The following ITGA8 variants were observed in gnomAD, a reference collection of about 807,000 sequenced individuals.
ITGA8 encodes integrin subunit alpha 8, also known as integrin alpha-8.
In ITGA8, 91 loss-of-function variants were observed where a neutral mutation model predicts 142.3. The observed-to-expected ratio is 0.64, with a 90% CI of 0.54 to 0.76. The LOEUF (loss-of-function observed/expected upper bound fraction) is 0.76. Ranked by LOEUF, ITGA8 falls within the 30% of genes least tolerant of loss-of-function variation. ITGA8 has a pLI of 0.00. For synonymous variants in ITGA8, 505 were observed against 485.2 expected, an observed-to-expected ratio of 1.04 and a Z score of -0.54; for missense variants, 1,406 against 1,327.7, an observed-to-expected ratio of 1.06 and a Z score of -0.92.
intron 25 of ITGA8, 43 bp from the exon 26 acceptor site, chr10:15,558,245 A>C: frequency 6.2e-7 from 1 of 1,606,954 alleles, no homozygotes; most frequent in Non-Finnish European, 8.5e-7. Context: ...AAACACATGA[A>C]CAGTTGCTAC....
chr10:15,697,114 G>A (rs1275427252), intron 2 of ITGA8, among the ~76,000 whole-genome samples: 2 of 150,998 alleles, frequency 1.3e-5, no homozygotes, highest in African/African-American at 2.4e-5. Flanking sequence ...AAAAACTGGA[G>A]CAACTTAAAT....
At chr10:15,600,738 C>T (rs1833090016) in intron 20 of ITGA8, among the ~76,000 whole-genome samples, 1 of 152,156 alleles carries the variant, frequency 6.6e-6, no homozygotes, top group South Asian at 2.1e-4. Context: ...GCAAGACAAA[C>T]TAGGAAGACT....
intron 6 of ITGA8, among the ~76,000 whole-genome samples, chr10:15,676,553 T>C (rs555703157): frequency 2.0e-5 from 3 of 152,134 alleles, no homozygotes; most frequent in Admixed American, 6.5e-5. Context: ...TTAATGCCTG[T>C]TATCATTCTC....
At chr10:15,680,511 T>A (rs1259909627) in intron 4 of ITGA8, among the ~76,000 whole-genome samples, 1 of 152,122 alleles carries the variant, frequency 6.6e-6, no homozygotes, top group African/African-American at 2.4e-5. Context: ...AGTATCAATT[T>A]TCTAGAAGCT....
chr10:15,561,785 G>A (rs529399570), intron 25 of ITGA8, among the ~76,000 whole-genome samples: 4 of 152,262 alleles, frequency 2.6e-5, no homozygotes, highest in South Asian at 4.1e-4. Context: ...GTGGGGTGGT[G>A]TATTAGTCCA....
intron 8 of ITGA8, among the ~76,000 whole-genome samples, chr10:15,664,001 G>A (rs1250756947): frequency 6.6e-6 from 1 of 152,078 alleles, no homozygotes; most frequent in African/African-American, 2.4e-5. Flanking sequence ...TACTATCTTT[G>A]GTTCCTAATT....
intron 13 of ITGA8, among the ~76,000 whole-genome samples, chr10:15,636,734 C>T (rs1010453470): frequency 6.6e-6 from 1 of 152,106 alleles, no homozygotes; most frequent in African/African-American, 2.4e-5. Flanking sequence ...TTTCAATTTC[C>T]ACTGTCATTA....
chr10:15,561,526 C>T (rs556081421), intron 25 of ITGA8, among the ~76,000 whole-genome samples: 4 of 151,884 alleles, frequency 2.6e-5, no homozygotes, highest in South Asian at 2.1e-4. Context: ...GAAAGAGGTC[C>T]GTTCTTGGAA....
chr10:15,672,796 A>C (rs766822225), intron 6 of ITGA8, 47 bp from the exon 7 acceptor site: 1 of 1,527,488 alleles, frequency 6.5e-7, no homozygotes, highest in Admixed American at 2.0e-5. Flanking sequence ...AGCAAGAGGC[A>C]GGCCCTCCAT....
At chr10:15,698,930 T>A (rs556617428) in intron 2 of ITGA8, among the ~76,000 whole-genome samples, 1 of 152,326 alleles carries the variant, frequency 6.6e-6, no homozygotes, top group East Asian at 1.9e-4. Flanking sequence ...GTCCCAGATA[T>A]CTATCTTTGT....
chr10:15,641,181 G>A (rs756174605), intron 13 of ITGA8, among the ~76,000 whole-genome samples: 3 of 152,174 alleles, frequency 2.0e-5, no homozygotes, highest in South Asian at 2.1e-4. Context: ...AGCTGCCTGC[G>A]TAGCTGGGAC....
intron 16 of ITGA8, 63 bp from the exon 17 acceptor site, chr10:15,607,894 T>A: frequency 7.3e-7 from 1 of 1,371,976 alleles, no homozygotes; most frequent in Non-Finnish European, 1.0e-6. Flanking sequence ...ATCAGAGAGA[T>A]GAATTTCTAT....
intron 28 of ITGA8, among the ~76,000 whole-genome samples, chr10:15,522,886 C>A (rs1167993892): frequency 6.6e-6 from 1 of 152,144 alleles, no homozygotes; most frequent in Non-Finnish European, 1.5e-5. Context: ...GTGGCAGACA[C>A]CTGTAGTCTC....
At chr10:15,591,531 T>C (rs1832922529) in intron 22 of ITGA8, among the ~76,000 whole-genome samples, 1 of 151,918 alleles carries the variant, frequency 6.6e-6, no homozygotes. Flanking sequence ...GGGTTTAAGT[T>C]CACAGCTGGG....
chr10:15,546,088 G>C lies in ITGA8; in HGVS notation c.2880+2367C>G, dbSNP rs565640935. 8.4e-4 allele frequency among the ~76,000 whole-genome samples: 127 copies of C among 152,056 alleles called. 1 individual carries two copies. The highest frequency in any genetic ancestry group is 1.7e-3 in the Non-Finnish European group (113 of 68,020). ...TGGGGCTCTGCCTACAGGTCTTTGC[G>C]TGACTCAGGTCTCAGTTCCATGGCA... is the stretch of plus-strand genomic sequence containing the variant. On this transcript the variant is annotated intron_variant, in intron 27 of 29. Coordinates refer to ENST00000378076, the MANE Select transcript of ITGA8 (RefSeq NM_003638.3).
chr10:15,532,207 T>C (rs6602877), intron 27 of ITGA8, among the ~76,000 whole-genome samples: 145,963 of 151,906 alleles, frequency 0.96, 70,382 homozygotes, highest in Non-Finnish European at 1. Flanking sequence ...ATCACCAGGT[T>C]AGGAGTTCAA....
intron 2 of ITGA8, among the ~76,000 whole-genome samples, chr10:15,701,811 G>T (rs1835170238): frequency 6.6e-6 from 1 of 152,196 alleles, no homozygotes; most frequent in African/African-American, 2.4e-5. Flanking sequence ...TAAAGCTGTT[G>T]CAGGAGCTAT....
intron 23 of ITGA8, among the ~76,000 whole-genome samples, chr10:15,577,300 G>A (rs1834317177): frequency 6.6e-6 from 1 of 152,072 alleles, no homozygotes; most frequent in Non-Finnish European, 1.5e-5. Context: ...ATCTTGACAA[G>A]TACTATGGAG....
chr10:15,665,832 T>C (rs558548737), intron 8 of ITGA8, among the ~76,000 whole-genome samples: 7 of 152,236 alleles, frequency 4.6e-5, no homozygotes, highest in African/African-American at 1.2e-4. Flanking sequence ...GTTGTAGATA[T>C]GCGGCATTAT....
Sources: gnomAD v4.1 joint callset for allele counts (sites outside exome capture counted in the v4.1 genomes callset) on GRCh38, gnomAD v4.1.1 for gene constraint, MANE v1.5 for transcripts, NCBI Gene and HGNC (gene_info 2026-07-23, HGNC 2026-07-21) for gene names.